Variants in FKBP1B observed in about 807,000 individuals in gnomAD.
FKBP1B encodes the protein peptidyl-prolyl cis-trans isomerase FKBP1B.
FKBP1B carries 4 observed loss-of-function variants against 13.5 expected under a neutral mutation model. The observed-to-expected ratio is 0.30, with a 90% CI of 0.15 to 0.68. The LOEUF is 0.68. Ranked by LOEUF, FKBP1B falls within the 30% of genes least tolerant of loss-of-function variation. The probability of loss-of-function intolerance (pLI) is 0.76; values close to 1 mark genes in which losing one functional copy is unlikely to be tolerated. For synonymous variants in FKBP1B, 54 were observed against 53.6 expected (o/e 1.01, Z -0.03); for missense variants, 93 against 136.2 (o/e 0.68, Z 1.58).
the FKBP1B span, chr2:24,037,959 A>G: frequency 6.2e-7 from 1 of 1,614,154 alleles, no homozygotes; most frequent in Non-Finnish European, 8.5e-7. Context: ...CAGCATCTAG[A>G]GCTATGGAGC....
At chr2:24,039,284 C>T in the FKBP1B span, 45 of 1,614,118 alleles carry the variant, frequency 2.8e-5, no homozygotes, top group Non-Finnish European at 3.7e-5. Flanking sequence ...GGTGTATCAT[C>T]TGCAACAGGT....
At chr2:24,046,130 G>A (rs531180181), upstream of FKBP1B, among the ~76,000 whole-genome samples, 1 of 151,840 alleles carries the variant, frequency 6.6e-6, no homozygotes, top group African/African-American at 2.4e-5. Flanking sequence ...GGGGGTGGGG[G>A]CAGTAGGGGA....
chr2:24,050,200 T>G lies in FKBP1B; in HGVS notation c.37+314T>G, dbSNP rs992668866. Among the ~76,000 whole-genome samples the G allele has an allele frequency of 2.6e-5, 4 of 152,134 alleles. No homozygotes were observed. Among genetic ancestry groups the G allele is most frequent in the African/African-American group, 9.7e-5 (4 of 41,450 alleles). Reference sequence around the variant, plus strand: ...CTGCAGTCGTTCGGTTATCCGCTGCTGCTGATACCCCAGCCTGGGTTTCGG... The same window carrying G: ...CTGCAGTCGTTCGGTTATCCGCTGCGGCTGATACCCCAGCCTGGGTTTCGG... On this transcript the variant is annotated intron_variant, in intron 1 of 3. Coordinates refer to ENST00000380986, the MANE Select transcript of FKBP1B (RefSeq NM_004116.5). This position sits in a 1 kb window ranked among gnomAD's most constrained non-coding sequence, Gnocchi z 5.8.
chr2:24,053,960 C>A lies in FKBP1B; in HGVS notation c.85+11C>A, dbSNP rs1289246429. On this transcript the variant is annotated intron_variant, in intron 2 of 3. Coordinates refer to ENST00000380986, the MANE Select transcript of FKBP1B (RefSeq NM_004116.5). ...TGGTGCACTACACAGGTAAGTCTCA[C>A]CCCCTCAGCCCCCACCCAGTCCTTC... The A allele has an allele frequency of 2.5e-6, 4 of 1,613,422 alleles. No homozygotes were observed. Among genetic ancestry groups the A allele is most frequent in the Non-Finnish European group, 3.4e-6 (4 of 1,179,414 alleles).
At chr2:24,061,367 T>G (rs1664386834) in intron 3 of FKBP1B, among the ~76,000 whole-genome samples, 1 of 152,110 alleles carries the variant, frequency 6.6e-6, no homozygotes, top group African/African-American at 2.4e-5. Flanking sequence ...GACAGGAGAA[T>G]TACTTGAACC....
chr2:24,046,323 AG>A (rs1663623927), upstream of FKBP1B, among the ~76,000 whole-genome samples: 1 of 152,202 alleles, frequency 6.6e-6, no homozygotes, highest in African/African-American at 2.4e-5. Context: ...AGGAGGACCA[AG>A]GTTTAAATGC....
At position 24,062,999 on chromosome 2, in the gene FKBP1B, C is replaced by T. The variant is rs1292692258; in HGVS notation, c.199-65C>T. ...TTGGGAAAATGCCATAGTCATCTAA[C>T]TTTTTTCTTTTAAATCAAGCTGGGT... is the stretch of plus-strand genomic sequence containing the variant. On this transcript the variant is annotated intron_variant, in intron 3 of 3. Transcript: ENST00000380986. 1.9e-6 allele frequency: 3 copies of T among 1,613,350 alleles called. No homozygotes were observed. The African/African-American group carries it at 4.0e-5, about 21-fold the overall frequency.
the FKBP1B span, chr2:24,037,703 G>C: frequency 6.2e-7 from 1 of 1,613,178 alleles, no homozygotes; most frequent in Non-Finnish European, 8.5e-7. Context: ...ACATAAGGAA[G>C]ATCTTGAGAG....
the FKBP1B span, among the ~76,000 whole-genome samples, chr2:24,042,831 C>T: frequency 6.6e-6 from 1 of 151,610 alleles, no homozygotes; most frequent in African/African-American, 2.4e-5. Flanking sequence ...ATCAGGAGTT[C>T]GAGACCAGCC....
rs949767291 is a variant in FKBP1B, at chr2:24,063,338, A to T, written c.*146A>T. The T allele has an allele frequency of 1.3e-6, 1 of 780,594 alleles. No homozygotes were observed. The highest frequency in any genetic ancestry group is 1.9e-6 in the Non-Finnish European group (1 of 522,314). 48.4% of individuals were successfully genotyped at this position (780,594 alleles called of 1,614,324 possible). A position where few individuals can be genotyped will look rare whatever the true frequency, so the allele number is the denominator to read the frequency against. ...TGGCATCATCCATTCTCTCTGCCCA[A>T]GTTGCTCTGTATGTGTTCGTCAGTG... On this transcript the variant is annotated 3_prime_UTR_variant, in exon 4 of 4. Transcript: ENST00000380986.
At chr2:24,046,758 C>T (rs10207949), upstream of FKBP1B, among the ~76,000 whole-genome samples, 17,701 of 152,190 alleles carry the variant, frequency 0.12, 1,232 homozygotes, top group South Asian at 0.18. Context: ...AACGAAAAAA[C>T]ATTCATCCAA....
intron 2 of FKBP1B, among the ~76,000 whole-genome samples, chr2:24,060,425 G>A (rs1473682150): frequency 6.6e-6 from 1 of 152,022 alleles, no homozygotes; most frequent in Non-Finnish European, 1.5e-5. Flanking sequence ...GGTGGTGGGC[G>A]CCTGTAATGC....
chr2:24,060,384 T>C (rs1664331432), intron 2 of FKBP1B, among the ~76,000 whole-genome samples: 1 of 152,032 alleles, frequency 6.6e-6, no homozygotes, highest in Non-Finnish European at 1.5e-5. Context: ...AAACCCTGTT[T>C]CTACTAAAAA....
At chr2:24,036,033 C>T in the FKBP1B span, among the ~76,000 whole-genome samples, 3 of 150,586 alleles carry the variant, frequency 2.0e-5, no homozygotes, top group African/African-American at 4.9e-5. Flanking sequence ...CGCGCCACTG[C>T]ACTCCAGCCT....
In FKBP1B at chr2:24,051,577, G is replaced by A. The variant is rs191189448; in HGVS notation, c.37+1691G>A. Among the ~76,000 whole-genome samples, 17 of 152,300 alleles carry A rather than the reference G, an allele frequency of 1.1e-4. No individual in the cohort carries two copies. In the East Asian group the frequency reaches 3.3e-3, roughly 29 times the overall value. On this transcript the variant is annotated intron_variant, in intron 1 of 3. Coordinates refer to ENST00000380986, the MANE Select transcript of FKBP1B (RefSeq NM_004116.5). ...CTCGTTCAGCAAATATTTATTGAAC[G>A]TGTGTGCTAGGCCCTAAGGTGACAC...
rs1573694660 is a variant in FKBP1B at position 24,059,345 on chromosome 2, G to C, written c.86-1469G>C. On this transcript the variant is annotated intron_variant, in intron 2 of 3. Coordinates refer to ENST00000380986, the MANE Select transcript of FKBP1B (RefSeq NM_004116.5). ...ACAAGGCTTCTGAAGCAGAGGCTGG[G>C]GGAACCAGAACTGCTGGACCAGCAC... Among the ~76,000 whole-genome samples, 3 of 148,480 alleles carry C rather than the reference G, an allele frequency of 2.0e-5. No individual in the cohort carries two copies. In the East Asian group the frequency reaches 5.8e-4, roughly 29 times the overall value.
At chr2:24,036,206 A>T in the FKBP1B span, among the ~76,000 whole-genome samples, 3 of 151,780 alleles carry the variant, frequency 2.0e-5, no homozygotes, top group Admixed American at 6.6e-5. Context: ...AATCCTCTTT[A>T]AAAAAATGTA....
At chr2:24,034,738 T>C in the FKBP1B span, among the ~76,000 whole-genome samples, 1 of 152,048 alleles carries the variant, frequency 6.6e-6, no homozygotes, top group South Asian at 2.1e-4. Context: ...CACGGCTGGC[T>C]AATTTTTGTA....
chr2:24,061,043 C>A, intron 3 of FKBP1B, 117 bp downstream of exon 3: 3 of 742,476 alleles, frequency 4.0e-6, no homozygotes, highest in African/African-American at 1.8e-5. Flanking sequence ...GACTCTACAG[C>A]CAGGGCATGG....
Sources: gnomAD v4.1 joint callset for allele counts (sites outside exome capture counted in the v4.1 genomes callset) on GRCh38, gnomAD v4.1.1 for gene constraint, Gnocchi (gnomAD v3.1) non-coding constraint, MANE v1.5 for transcripts, NCBI Gene and HGNC (gene_info 2026-07-23, HGNC 2026-07-21) for gene names.